OTOG: variants seen among roughly 807,000 people sequenced by gnomAD.
OTOG encodes otogelin.
OTOG carries 296 observed loss-of-function variants against 313.8 expected under a neutral mutation model. That is an observed-to-expected ratio of 0.94 (90% CI 0.86 to 1.04). The LOEUF (loss-of-function observed/expected upper bound fraction) is 1.04, where lower values mean the gene tolerates loss of function less well. Among genes scored for constraint, OTOG ranks in the 50% least tolerant of loss-of-function variants. OTOG has a pLI of 0.00. For missense variants in OTOG, 3,948 were observed against 3,840.1 expected (o/e 1.03, Z -0.74); for synonymous variants, 1,533 against 1,554.9 (o/e 0.99, Z 0.33).
At position 17,616,750 on chromosome 11, in the gene OTOG, T is replaced by TGGGTTTTTCTACA. The variant is rs1853730021; in HGVS notation, c.6528+3049_6528+3050insGGGTTTTTCTACA. On this transcript the variant is annotated intron_variant, in intron 39 of 55. Transcript: ENST00000399397. ...CTTGCAACGTTACTAAGCTCAGTTA[T>TGGGTTTTTCTACA]TAGTTCTTAAATTCTTTGGGTTTTT... is the stretch of plus-strand genomic sequence containing the variant. 2.0e-5 allele frequency among the ~76,000 whole-genome samples: 3 copies of TGGGTTTTTCTACA among 152,380 alleles called. No homozygotes were observed. The South Asian group carries it at 6.2e-4, about 32-fold the overall frequency.
chr11:17,571,960 T>C (rs1852413903), intron 17 of OTOG, 120 bp from the exon 18 acceptor site: 6 of 1,321,280 alleles, frequency 4.5e-6, no homozygotes, highest in African/African-American at 1.5e-5. Flanking sequence ...TGTATATGGA[T>C]GTGTAGATTA....
At chr11:17,601,241 G>A (rs1853241649) in intron 31 of OTOG, among the ~76,000 whole-genome samples, 1 of 152,210 alleles carries the variant, frequency 6.6e-6, no homozygotes, top group Non-Finnish European at 1.5e-5. Flanking sequence ...CCAAGAGCTG[G>A]TGGGGCACAG....
intron 51 of OTOG, 134 bp downstream of exon 51, chr11:17,641,225 C>A: frequency 9.8e-7 from 1 of 1,023,926 alleles, no homozygotes; most frequent in Non-Finnish European, 1.4e-6. Context: ...CCTCAGAAAC[C>A]TCTGTAGAAA....
At position 17,559,562 on chromosome 11, in the gene OTOG, C is replaced by T; in HGVS notation, c.1242C>T (p.Thr414=). 2.6e-6 allele frequency: 4 copies of T among 1,550,720 alleles called. No individual in the cohort carries two copies. Among genetic ancestry groups the T allele is most frequent in the Non-Finnish European group, 3.5e-6 (4 of 1,147,032 alleles). ...CTVHCKEKAF[T]YNECIACCPA... is the part of the protein sequence containing the mutation. ...TGCACTGCAAGGAGAAGGCCTTTACCTACAATGAGTGCATCGCCTGCTGCC... is the reference window on the plus strand; with the variant it reads ...TGCACTGCAAGGAGAAGGCCTTTACTTACAATGAGTGCATCGCCTGCTGCC... Residue 414 remains threonine, a synonymous_variant, in exon 12 of 56, where the codon ACC becomes ACT. Coordinates refer to ENST00000399397, the MANE Select transcript of OTOG (RefSeq NM_001292063.2).
At chr11:17,613,374 C>CCCTCCCTCCT (rs1565119211) in intron 38 of OTOG, among the ~76,000 whole-genome samples, 5 of 74,718 alleles carry the variant, frequency 6.7e-5, no homozygotes, top group African/African-American at 2.6e-4. Context: ...CCTTCCTTCC[C>CCCTCCCTCCT]TCCTTCCTTC....
In OTOG at chr11:17,631,788, G is replaced by A. The variant is rs1854133339; in HGVS notation, c.6799G>A (p.Asp2267Asn). 6.4e-7 allele frequency: 1 copy of A among 1,550,490 alleles called. No homozygotes were observed. Among genetic ancestry groups the A allele is most frequent in the South Asian group, 1.2e-5 (1 of 84,056 alleles). Residue 2267 changes from aspartate (D) to asparagine (N), a missense_variant, in exon 41 of 56, where the codon GAC becomes AAC. Coordinates refer to ENST00000399397, the MANE Select transcript of OTOG (RefSeq NM_001292063.2). ...GGAEDPAPFL[D>N]SWQVPSSLTS... ...GGCTGAGGACCCTGCTCCCTTTCTGGACAGCTGGCAGGTGCCCAGCTCCCT... is the reference window on the plus strand; with the variant it reads ...GGCTGAGGACCCTGCTCCCTTTCTGAACAGCTGGCAGGTGCCCAGCTCCCT...
Position 17,633,671 on chromosome 11 carries a change from C to T in OTOG, c.7073-9C>T, listed in dbSNP as rs1220076800. The T allele has an allele frequency of 2.6e-6, 4 of 1,517,938 alleles. No individual in the cohort carries two copies. Among genetic ancestry groups the T allele is most frequent in the African/African-American group, 1.4e-5 (1 of 72,524 alleles). 94.0% of individuals were successfully genotyped at this position (1,517,938 alleles called of 1,614,324 possible). A position where few individuals can be genotyped will look rare whatever the true frequency, so the allele number is the denominator to read the frequency against. ...TGAGGTAGGCCTGGTGCCCACTGTGCCCCTGCAGCCTTCCTGTGCTCCAGC... is the reference window on the plus strand; with the variant it reads ...TGAGGTAGGCCTGGTGCCCACTGTGTCCCTGCAGCCTTCCTGTGCTCCAGC... On this transcript the variant is annotated splice_polypyrimidine_tract_variant and intron_variant, in intron 42 of 55. Coordinates refer to ENST00000399397, the MANE Select transcript of OTOG (RefSeq NM_001292063.2).
intron 39 of OTOG, among the ~76,000 whole-genome samples, chr11:17,615,281 ATTTTCCAGTCTGTAGAGTGT>A (rs1853692667): frequency 6.6e-6 from 1 of 152,092 alleles, no homozygotes; most frequent in African/African-American, 2.4e-5. Context: ...TATAAATCTA[ATTTTCCAGTCTGTAGAGTGT>A]TTTTCCATTC....
chr11:17,594,126 C>T lies in OTOG; in HGVS notation c.3368C>T (p.Thr1123Ile). ...EMRTPENLEL[T>I]NPQEFGSSWA... ...AGGACCCCGGAGAACCTAGAGCTAA[C>T]TAACCCCCAGGAGTTTGGCAGCAGT... The change falls in exon 28 of 56, where the codon ACT (threonine) becomes ATT (isoleucine). Residue 1123 changes from threonine to isoleucine, a missense_variant. Thr to Ile is a moderately conservative substitution (Grantham distance 89). Coordinates refer to ENST00000399397, the MANE Select transcript of OTOG (RefSeq NM_001292063.2). 1 of 1,550,590 alleles carries T rather than the reference C, an allele frequency of 6.4e-7. No homozygotes were observed. The highest frequency in any genetic ancestry group is 8.7e-7 in the Non-Finnish European group (1 of 1,146,988).
intron 39 of OTOG, 122 bp downstream of exon 39, chr11:17,613,823 T>G: frequency 2.8e-6 from 2 of 726,952 alleles, no homozygotes; most frequent in Non-Finnish European, 2.3e-6. Flanking sequence ...GGAGGGGACC[T>G]TTTTTTAGAA....
chr11:17,555,950 G>A, intron 7 of OTOG, 53 bp downstream of exon 7: 7 of 1,373,248 alleles, frequency 5.1e-6, no homozygotes, highest in Admixed American at 4.0e-5. Flanking sequence ...ACTGGTGGTG[G>A]TGGATGGGTG....
intron 25 of OTOG, 87 bp downstream of exon 25, chr11:17,591,675 T>G: frequency 5.4e-6 from 8 of 1,484,590 alleles, no homozygotes; most frequent in Non-Finnish European, 7.2e-6. Context: ...TGATGCAGAA[T>G]TGGGTGATCG....
rs1004394597 is a variant in OTOG, at chr11:17,562,706, T to TA, written c.1644+908dup. Among the ~76,000 whole-genome samples, 28 of 152,078 alleles carry TA rather than the reference T, an allele frequency of 1.8e-4. 1 individual carries two copies. Among genetic ancestry groups the TA allele is most frequent in the Middle Eastern group, 6.8e-3 (2 of 294 alleles). ...TGATCATGGAGTGGGCCTCAGTGTT[T>TA]AAAAAAAAATCTCTAAAATTGGTTT... On this transcript the variant is annotated intron_variant, in intron 15 of 55. Transcript: ENST00000399397.
chr11:17,643,499 C>G lies in OTOG; in HGVS notation c.8454C>G (p.Cys2818Trp). Residue 2818 changes from cysteine to tryptophan, a missense_variant, in exon 54 of 56, where the codon TGC becomes TGG. By Grantham distance (215) the Cys-to-Trp change is radical (BLOSUM62 -2). Coordinates refer to ENST00000399397, the MANE Select transcript of OTOG (RefSeq NM_001292063.2). ...TGGTACCTTCCTTGGAAGGATGCTG[C>G]AGGACCTGTGAGTGAGCATGGTGGG... ...GSVVPSLEGC[C>W]RTCKEDGRSC... The G allele has an allele frequency of 6.9e-7, 1 of 1,449,188 alleles. No homozygotes were observed. Among genetic ancestry groups the G allele is most frequent in the South Asian group, 1.5e-5 (1 of 68,478 alleles). The allele number at this position is 1,449,188 out of a possible 1,614,324, so 89.8% of individuals were successfully genotyped here.
intron 23 of OTOG, among the ~76,000 whole-genome samples, chr11:17,583,161 G>A (rs555234669): frequency 6.6e-6 from 1 of 151,758 alleles, no homozygotes; most frequent in Admixed American, 6.6e-5. Context: ...TACAGACAAG[G>A]TCTTGCTCTG....
rs867027206 is a variant in OTOG, at chr11:17,552,034, C to T, written c.251C>T (p.Ser84Phe). 6.4e-6 allele frequency: 10 copies of T among 1,550,440 alleles called. No homozygotes were observed. Among genetic ancestry groups the T allele is most frequent in the African/African-American group, 1.4e-5 (1 of 73,048 alleles). Residue 84 changes from serine (S) to phenylalanine (F), a missense_variant, in exon 4 of 56, where the codon TCC (serine) becomes TTC (phenylalanine). Physicochemically the swap from Ser to Phe is radical, Grantham distance 155 (BLOSUM62 -2). Coordinates refer to ENST00000399397, the MANE Select transcript of OTOG (RefSeq NM_001292063.2). ...GCCCCAGACTCCGTGGCCATGTCTT[C>T]CTGGGAAAGGCGGCTCCATCGGGCC... ...AEAPDSVAMSSWERRLHRAKC... is the reference protein window; with the variant it reads ...AEAPDSVAMSFWERRLHRAKC...
intron 3 of OTOG, among the ~76,000 whole-genome samples, chr11:17,548,894 T>C (rs1007271084): frequency 2.6e-5 from 4 of 152,110 alleles, no homozygotes; most frequent in African/African-American, 9.7e-5. Flanking sequence ...AATTTCAATT[T>C]TTTTGGTAGA....
chr11:17,601,564 G>C (rs1484344491), intron 31 of OTOG, among the ~76,000 whole-genome samples: 1 of 149,282 alleles, frequency 6.7e-6, no homozygotes, highest in Admixed American at 6.8e-5. Flanking sequence ...TGTCCTGAGG[G>C]CCATGGAGAG....
At chr11:17,613,729 G>A (rs1178249616) in intron 39 of OTOG, 28 bp downstream of exon 39, 18 of 1,538,888 alleles carry the variant, frequency 1.2e-5, no homozygotes, top group Admixed American at 2.0e-5. Context: ...CCAGCCTCCA[G>A]GGCAGGGCCA....
Sources: gnomAD v4.1 joint callset for allele counts (sites outside exome capture counted in the v4.1 genomes callset) on GRCh38, gnomAD v4.1.1 for gene constraint, MANE v1.5 for transcripts, NCBI Gene and HGNC (gene_info 2026-07-23, HGNC 2026-07-21) for gene names.